Variants in PDE4D observed in about 807,000 individuals in gnomAD.
PDE4D encodes 3',5'-cyclic-AMP phosphodiesterase 4D.
A neutral mutation model predicts 87.4 loss-of-function variants in PDE4D; 24 were observed. The ratio of observed to expected loss-of-function variants is 0.27; its 90% confidence interval spans 0.20 to 0.39. The LOEUF is 0.39. Ranked by LOEUF, PDE4D falls within the 10% of genes least tolerant of loss-of-function variation. The probability of loss-of-function intolerance (pLI) is 1.00; values close to 1 mark genes in which losing one functional copy is unlikely to be tolerated. For synonymous variants in PDE4D, 384 were observed against 383.2 expected (o/e 1.00, Z -0.02); for missense variants, 714 against 1,041.0 (o/e 0.69, Z 4.32).
chr5:59,918,663 G>A (rs1406856311), intron 3 of PDE4D, among the ~76,000 whole-genome samples: 1 of 152,198 alleles, frequency 6.6e-6, no homozygotes, highest in African/African-American at 2.4e-5. Flanking sequence ...AGCGAACTGA[G>A]GATGGCTTCT....
In PDE4D at chr5:59,649,904, C is replaced by CTTTTTT. The variant is rs1561402852; in HGVS notation, c.455+243263_455+243264insAAAAAA. Among the ~76,000 whole-genome samples, 434 of 73,930 alleles carry CTTTTTT rather than the reference C, an allele frequency of 5.9e-3. 93 individuals carry two copies. Among genetic ancestry groups the CTTTTTT allele is most frequent in the African/African-American group, 0.011 (202 of 19,066 alleles). The allele number at this position is 73,930 out of a possible 152,430, so 48.5% of individuals were successfully genotyped here. A position where few individuals can be genotyped will look rare whatever the true frequency, so the allele number is the denominator to read the frequency against. On this transcript the variant is annotated intron_variant, in intron 1 of 14. Coordinates refer to ENST00000340635, the MANE Select transcript of PDE4D (RefSeq NM_001104631.2). ...TGTTAAAATGTTGATAGTTTGTGAA[C>CTTTTTT]CTTTTTTTTTTTTTTTTTTTTTTTT...
chr5:60,464,152 T>C (rs1025733269), intron 1 of PDE4D, among the ~76,000 whole-genome samples: 1 of 152,190 alleles, frequency 6.6e-6, no homozygotes, highest in African/African-American at 2.4e-5. Context: ...GGAAGCCATG[T>C]AATTTTTCTG....
chr5:60,415,805 T>TAGGG (rs1020136335), intron 1 of PDE4D, among the ~76,000 whole-genome samples: 1 of 152,202 alleles, frequency 6.6e-6, no homozygotes, highest in Non-Finnish European at 1.5e-5. Context: ...AGTGCAGGCG[T>TAGGG]AGGGCGCGGG....
chr5:59,627,929 A>G (rs898440514), intron 1 of PDE4D, among the ~76,000 whole-genome samples: 2 of 152,166 alleles, frequency 1.3e-5, no homozygotes, highest in African/African-American at 4.8e-5. Flanking sequence ...TTTATCCTCA[A>G]GTAAGGGATA....
Position 59,056,422 on chromosome 5 carries a change from T to G in PDE4D, c.809-17451A>C, listed in dbSNP as rs570837134. Among the ~76,000 whole-genome samples, 5 of 152,234 alleles carry G rather than the reference T, an allele frequency of 3.3e-5. No homozygotes were observed. In the South Asian group the frequency reaches 1.0e-3, roughly 32 times the overall value. On this transcript the variant is annotated intron_variant, in intron 5 of 14. Transcript: ENST00000340635. ...GACAATGTTTAAAAAGGAGTTTTTT[T>G]GTTTGTTTGTTTTCTTGTGTTTTTT...
At chr5:59,312,464 G>A (rs944715763) in intron 1 of PDE4D, among the ~76,000 whole-genome samples, 1 of 152,120 alleles carries the variant, frequency 6.6e-6, no homozygotes, top group Admixed American at 6.6e-5. Context: ...GGAACCATAG[G>A]CTCTTGTGTC....
chr5:60,301,745 A>C (rs1753913784), intron 1 of PDE4D, among the ~76,000 whole-genome samples: 1 of 152,134 alleles, frequency 6.6e-6, no homozygotes, highest in Admixed American at 6.5e-5. Context: ...TACTATGTTG[A>C]ATAGGAGTGG....
At chr5:59,863,357 T>C (rs1040447662) in intron 1 of PDE4D, among the ~76,000 whole-genome samples, 1 of 152,156 alleles carries the variant, frequency 6.6e-6, no homozygotes, top group African/African-American at 2.4e-5. Context: ...ACTATTAACT[T>C]TTTGTTTTGT....
At chr5:60,154,916 T>C (rs549174806) in intron 2 of PDE4D, among the ~76,000 whole-genome samples, 2 of 152,352 alleles carry the variant, frequency 1.3e-5, no homozygotes, top group South Asian at 4.1e-4. Context: ...ATGCTATCCA[T>C]TCATTCTCAC....
intron 1 of PDE4D, among the ~76,000 whole-genome samples, chr5:59,701,486 G>C (rs968581904): frequency 6.6e-6 from 1 of 152,224 alleles, no homozygotes; most frequent in Non-Finnish European, 1.5e-5. Context: ...TTAAATGAGT[G>C]AATGAGTGAG....
At chr5:60,012,639 G>A (rs1017612103) in intron 2 of PDE4D, among the ~76,000 whole-genome samples, 2 of 152,170 alleles carry the variant, frequency 1.3e-5, no homozygotes, top group Non-Finnish European at 2.9e-5. Flanking sequence ...AGATGGCAGA[G>A]ATAGCATCAT....
At position 58,989,808 on chromosome 5, in the gene PDE4D, C is replaced by T; in HGVS notation, c.1399G>A (p.Ala467Thr). The change falls in exon 10 of 15, where the codon GCT becomes ACT. Residue 467 changes from alanine to threonine, a missense_variant. This residue lies in a region of PDE4D where 141 missense variants were observed against 204.3 expected (regional missense o/e 0.69). Coordinates refer to ENST00000340635, the MANE Select transcript of PDE4D (RefSeq NM_001104631.2). ...TGAGTAGACTGGACAACATCTGCAG[C>T]ATGGATATTGTTGTGATAGGCCACA... ...ADVAYHNNIHAADVVQSTHVL... is the reference protein window; with the variant it reads ...ADVAYHNNIHTADVVQSTHVL... 1 of 1,611,046 alleles carries T rather than the reference C, an allele frequency of 6.2e-7. No individual in the cohort carries two copies. Among genetic ancestry groups the T allele is most frequent in the Non-Finnish European group, 8.5e-7 (1 of 1,177,582 alleles).
chr5:60,155,816 AAGGTG>A (rs1292192487), intron 2 of PDE4D, among the ~76,000 whole-genome samples: 2 of 39,188 alleles, frequency 5.1e-5, no homozygotes, highest in East Asian at 5.4e-4. Flanking sequence ...TCCAAGAATT[AAGGTG>A]TGTTCTTGAA....
intron 1 of PDE4D, among the ~76,000 whole-genome samples, chr5:60,333,058 G>A (rs1441721782): frequency 6.6e-6 from 1 of 152,116 alleles, no homozygotes; most frequent in Non-Finnish European, 1.5e-5. Flanking sequence ...AAAAGGAAAC[G>A]ATGACCTTCC....
chr5:59,299,991 A>G (rs766548694), intron 1 of PDE4D, among the ~76,000 whole-genome samples: 7 of 151,752 alleles, frequency 4.6e-5, no homozygotes, highest in Non-Finnish European at 1.0e-4. Flanking sequence ...CCGTGCCTGT[A>G]GTCCCGGCTA....
rs533455941 is a variant in PDE4D at position 59,437,697 on chromosome 5, C to T, written c.456-221729G>A. ...ACACAAGAAGTAGATGGCATAACTC[C>T]TATCTAGGAAAAAAAAAAAGCATAC... On this transcript the variant is annotated intron_variant, in intron 1 of 14. Transcript: ENST00000340635. 2.6e-4 allele frequency among the ~76,000 whole-genome samples: 39 copies of T among 151,646 alleles called. No individual in the cohort carries two copies. In the South Asian group the frequency reaches 4.8e-3, roughly 19 times the overall value.
At chr5:60,071,342 A>G (rs1772696245) in intron 2 of PDE4D, among the ~76,000 whole-genome samples, 2 of 151,958 alleles carry the variant, frequency 1.3e-5, no homozygotes, top group African/African-American at 4.8e-5. Context: ...TGCATTCTTT[A>G]ATTGGTGCAC....
At chr5:59,069,652 C>T (rs1764445377) in intron 5 of PDE4D, among the ~76,000 whole-genome samples, 1 of 152,074 alleles carries the variant, frequency 6.6e-6, no homozygotes, top group Non-Finnish European at 1.5e-5. Flanking sequence ...CTGAATGACT[C>T]ACAGTTCCAG....
intron 1 of PDE4D, among the ~76,000 whole-genome samples, chr5:60,249,938 G>A (rs1471679004): frequency 6.6e-6 from 1 of 151,894 alleles, no homozygotes; most frequent in Admixed American, 6.6e-5. Context: ...CATATAATGT[G>A]GGAGACATTT....
Sources: allele counts gnomAD v4.1 joint callset (sites outside exome capture counted in the v4.1 genomes callset), GRCh38; gene constraint gnomAD v4.1.1; regional missense constraint gnomAD v4.1.1; transcripts MANE v1.5; gene names NCBI Gene and HGNC (gene_info 2026-07-23, HGNC 2026-07-21).